Variants in ASB4 observed in about 807,000 individuals in gnomAD.
The protein encoded by ASB4 is ankyrin repeat and SOCS box protein 4.
A neutral mutation model predicts 38.6 loss-of-function variants in ASB4; 35 were observed. That is an observed-to-expected ratio of 0.91 (90% confidence interval 0.69 to 1.20). The LOEUF (loss-of-function observed/expected upper bound fraction) is 1.20. ASB4 is among the 50% of genes most tolerant of loss of function. The pLI, the probability that ASB4 is intolerant of heterozygous loss-of-function variation, is 0.00. For missense variants in ASB4, 557 were observed against 527.2 expected, an observed-to-expected ratio of 1.06 and a Z score of -0.55; for synonymous variants, 195 against 201.3, an observed-to-expected ratio of 0.97 and a Z score of 0.26.
Position 95,537,809 on chromosome 7 carries a change from G to A in ASB4, c.*50G>A, listed in dbSNP as rs1236875108. The A allele has an allele frequency of 2.0e-5, 31 of 1,515,074 alleles. No homozygotes were observed. The highest frequency in any genetic ancestry group is 2.5e-5 in the Non-Finnish European group (28 of 1,108,804). The allele number at this position is 1,515,074 out of a possible 1,614,324, so 93.9% of individuals were successfully genotyped here. On this transcript the variant is annotated 3_prime_UTR_variant, in exon 5 of 5. Coordinates refer to ENST00000325885, the MANE Select transcript of ASB4 (RefSeq NM_016116.3). ...TCCTAGGTATTTAAGTGGACTTGCT[G>A]GGTAGACACAGTTTGCCTAAATAAA...
chr7:95,530,645 T>C (rs1046804956), intron 3 of ASB4, among the ~76,000 whole-genome samples: 3 of 151,986 alleles, frequency 2.0e-5, no homozygotes, highest in African/African-American at 7.2e-5. Flanking sequence ...AAGGGGAAGA[T>C]AAATCCAAGA....
intron 2 of ASB4, among the ~76,000 whole-genome samples, chr7:95,513,293 A>ATGTGTGTG (rs3046862): frequency 0.12 from 10,992 of 88,886 alleles, 820 homozygotes; most frequent in Non-Finnish European, 0.15. Flanking sequence ...AGCCAATAGA[A>ATGTGTGTG]TGTGTGTGTG....
chr7:95,493,794 C>A (rs1415207987), intron 1 of ASB4, among the ~76,000 whole-genome samples: 1 of 151,992 alleles, frequency 6.6e-6, no homozygotes. Flanking sequence ...CTGTTTGGCT[C>A]CCTGCTTCTC....
rs1461730017 is a variant in ASB4, at chr7:95,539,015, T to G, written c.*1256T>G. On this transcript the variant is annotated 3_prime_UTR_variant, in exon 5 of 5. Coordinates refer to ENST00000325885, the MANE Select transcript of ASB4 (RefSeq NM_016116.3). ...AGTTAGTGGATTGCAGAAAGAAAAA[T>G]GTAGGTGATTAAGCTCTGGGCCTTG... is the stretch of plus-strand genomic sequence containing the variant. 5.3e-5 allele frequency: 8 copies of G among 152,194 alleles called. No individual in the cohort carries two copies. The highest frequency in any genetic ancestry group is 1.9e-4 in the African/African-American group (8 of 41,516). 9.4% of individuals were successfully genotyped at this position (152,194 alleles called of 1,614,324 possible).
intron 2 of ASB4, among the ~76,000 whole-genome samples, chr7:95,507,335 G>T (rs1229750927): frequency 4.0e-5 from 6 of 151,558 alleles, no homozygotes; most frequent in Non-Finnish European, 7.4e-5. Context: ...AAAAGGCTGG[G>T]GATGCAAATA....
intron 2 of ASB4, among the ~76,000 whole-genome samples, chr7:95,508,741 C>T (rs1790442746): frequency 6.6e-6 from 1 of 152,004 alleles, no homozygotes; most frequent in Non-Finnish European, 1.5e-5. Flanking sequence ...TTTAAAGTTC[C>T]AGCAAAAGAG....
chr7:95,509,812 G>A (rs1249781955), intron 2 of ASB4, among the ~76,000 whole-genome samples: 1 of 152,130 alleles, frequency 6.6e-6, no homozygotes, highest in Non-Finnish European at 1.5e-5. Flanking sequence ...ACAACCATGT[G>A]AGGTTGCACA....
chr7:95,488,149 G>GCCA (rs1790118948), intron 1 of ASB4, among the ~76,000 whole-genome samples: 2 of 152,194 alleles, frequency 1.3e-5, no homozygotes, highest in Non-Finnish European at 2.9e-5. Flanking sequence ...AGACCATCCT[G>GCCA]CCTAACACGG....
At chr7:95,549,301 A>ATTTTTTTTTTATT in the ASB4 span, among the ~76,000 whole-genome samples, 131 of 114,864 alleles carry the variant, frequency 1.1e-3, 14 homozygotes, top group East Asian at 0.04. Flanking sequence ...AGGAGACTCC[A>ATTTTTTTTTTATT]TTTTTTTTTT....
chr7:95,533,661 G>A (rs1472949403), intron 3 of ASB4, among the ~76,000 whole-genome samples: 1 of 152,096 alleles, frequency 6.6e-6, no homozygotes, highest in East Asian at 1.9e-4. Context: ...ATGCAGACTT[G>A]AGTTTAAATC....
intron 3 of ASB4, among the ~76,000 whole-genome samples, chr7:95,535,901 C>G (rs1790883117): frequency 6.6e-6 from 1 of 152,174 alleles, no homozygotes; most frequent in South Asian, 2.1e-4. Flanking sequence ...ACCAGTGAAT[C>G]TAAGTTGATT....
chr7:95,533,300 C>T (rs771160477), intron 3 of ASB4, among the ~76,000 whole-genome samples: 1 of 152,170 alleles, frequency 6.6e-6, no homozygotes, highest in Non-Finnish European at 1.5e-5. Context: ...ATTCTGATCT[C>T]TGATTGTCAT....
At chr7:95,524,815 A>G (rs1347571656) in intron 2 of ASB4, among the ~76,000 whole-genome samples, 3 of 152,234 alleles carry the variant, frequency 2.0e-5, no homozygotes, top group Non-Finnish European at 4.4e-5. Context: ...CAGCCTGTGC[A>G]CTGGGAGAAT....
intron 1 of ASB4, among the ~76,000 whole-genome samples, chr7:95,495,032 T>C (rs1790223978): frequency 2.0e-5 from 3 of 152,236 alleles, no homozygotes; most frequent in Non-Finnish European, 2.9e-5. Context: ...GCCATTCTAG[T>C]GTATAGGATA....
intron 2 of ASB4, among the ~76,000 whole-genome samples, chr7:95,508,965 C>T (rs1004471133): frequency 6.6e-6 from 1 of 152,114 alleles, no homozygotes; most frequent in Admixed American, 6.5e-5. Context: ...TTTCAGATAA[C>T]GACTCAGTCC....
chr7:95,501,216 T>C (rs1790332256), intron 2 of ASB4, among the ~76,000 whole-genome samples: 1 of 152,092 alleles, frequency 6.6e-6, no homozygotes, highest in Non-Finnish European at 1.5e-5. Flanking sequence ...ATCCTGACAG[T>C]AGGAGGAAAA....
At chr7:95,496,287 A>G (rs1790247215) in intron 2 of ASB4, 12 of 449,498 alleles carry the variant, frequency 2.7e-5, no homozygotes, top group Non-Finnish European at 4.3e-5. Flanking sequence ...TCATTTACTT[A>G]ACAAATATTT....
chr7:95,493,309 G>A (rs1019612481), intron 1 of ASB4, among the ~76,000 whole-genome samples: 1 of 152,100 alleles, frequency 6.6e-6, no homozygotes, highest in Non-Finnish European at 1.5e-5. Context: ...AGGTGGGAGA[G>A]AGAGAAAGCA....
chr7:95,477,164 A>G (rs1220558831), upstream of ASB4, among the ~76,000 whole-genome samples: 1 of 152,084 alleles, frequency 6.6e-6, no homozygotes, highest in Non-Finnish European at 1.5e-5. Context: ...ATCGAGGAAC[A>G]CTGCCATCAT....
Sources: gnomAD v4.1 joint callset for allele counts (sites outside exome capture counted in the v4.1 genomes callset) on GRCh38, gnomAD v4.1.1 for gene constraint, MANE v1.5 for transcripts, NCBI Gene and HGNC (gene_info 2026-07-23, HGNC 2026-07-21) for gene names.